PEBP4: variants seen among roughly 807,000 people sequenced by gnomAD.
The protein encoded by PEBP4 is phosphatidylethanolamine-binding protein 4.
Under a neutral mutation model 23.9 loss-of-function variants are expected in PEBP4, and 22 were observed. The observed-to-expected ratio is 0.92, with a 90% CI of 0.66 to 1.31. The LOEUF (loss-of-function observed/expected upper bound fraction) is 1.31, where lower values mean the gene tolerates loss of function less well. Among genes scored for constraint, PEBP4 ranks in the 40% most tolerant of loss-of-function variants. The pLI is 0.00. For synonymous variants in PEBP4, 112 were observed against 99.3 expected, an observed-to-expected ratio of 1.13 and a Z score of -0.76; for missense variants, 324 against 281.7, an observed-to-expected ratio of 1.15 and a Z score of -1.07.
intron 4 of PEBP4, among the ~76,000 whole-genome samples, chr8:22,749,342 G>C (rs1805196776): frequency 6.6e-6 from 1 of 152,144 alleles, no homozygotes; most frequent in East Asian, 1.9e-4. Context: ...AGCTCTTCTT[G>C]TTTTAGCTCC....
chr8:22,847,473 A>G (rs927762612), intron 3 of PEBP4, among the ~76,000 whole-genome samples: 1 of 152,196 alleles, frequency 6.6e-6, no homozygotes, highest in African/African-American at 2.4e-5. Context: ...GAAGACCCCC[A>G]AGGGACAGGA....
intron 3 of PEBP4, among the ~76,000 whole-genome samples, chr8:22,870,645 T>C (rs1369061986): frequency 2.0e-5 from 3 of 151,972 alleles, no homozygotes; most frequent in Non-Finnish European, 4.4e-5. Flanking sequence ...ACCCCTCTGG[T>C]GGAGAATGTT....
At chr8:22,873,458 T>C (rs887905919) in intron 3 of PEBP4, among the ~76,000 whole-genome samples, 1 of 146,416 alleles carries the variant, frequency 6.8e-6, no homozygotes, top group Non-Finnish European at 1.5e-5. Flanking sequence ...ATACTATCTG[T>C]GTGAAAAAGT....
chr8:22,861,318 A>G (rs1229327133), intron 3 of PEBP4, among the ~76,000 whole-genome samples: 1 of 152,218 alleles, frequency 6.6e-6, no homozygotes, highest in Non-Finnish European at 1.5e-5. Context: ...TGCTCTTTCC[A>G]TGTACCAGAC....
intron 1 of PEBP4, among the ~76,000 whole-genome samples, chr8:22,935,926 A>C (rs1450494933): frequency 6.6e-6 from 1 of 152,148 alleles, no homozygotes; most frequent in Non-Finnish European, 1.5e-5. Flanking sequence ...AAATAGCTAT[A>C]AAAGCTTACA....
At chr8:22,823,137 A>G (rs1806894842) in intron 3 of PEBP4, among the ~76,000 whole-genome samples, 1 of 152,046 alleles carries the variant, frequency 6.6e-6, no homozygotes. Flanking sequence ...TAGAAAATCC[A>G]GAGAGAAAGT....
At chr8:22,773,936 C>T (rs1472422536) in intron 4 of PEBP4, among the ~76,000 whole-genome samples, 2 of 152,150 alleles carry the variant, frequency 1.3e-5, no homozygotes, top group African/African-American at 4.8e-5. Flanking sequence ...GTCCCCTTAA[C>T]GGGTGCTATA....
intron 3 of PEBP4, among the ~76,000 whole-genome samples, chr8:22,852,688 TAAGA>T (rs1336585935): frequency 4.0e-5 from 6 of 150,274 alleles, no homozygotes; most frequent in African/African-American, 1.2e-4. Flanking sequence ...AAAAAAAAAA[TAAGA>T]AAGAAAGAAA....
chr8:22,839,302 A>C (rs1292502055), intron 3 of PEBP4, among the ~76,000 whole-genome samples: 2 of 151,432 alleles, frequency 1.3e-5, no homozygotes, highest in Admixed American at 1.3e-4. Flanking sequence ...CCCAGCTGGG[A>C]GGGGCGGGGC....
At chr8:22,940,853 C>T (rs575017988) in intron 1 of PEBP4, among the ~76,000 whole-genome samples, 50 of 152,284 alleles carry the variant, frequency 3.3e-4, no homozygotes, top group African/African-American at 9.9e-4. Flanking sequence ...TCTCCTCTCT[C>T]GTAGCAAATT....
At chr8:22,832,690 A>G (rs1012884354) in intron 3 of PEBP4, among the ~76,000 whole-genome samples, 1 of 152,172 alleles carries the variant, frequency 6.6e-6, no homozygotes, top group Non-Finnish European at 1.5e-5. Flanking sequence ...ATTTCAGCAG[A>G]CATTGAGACA....
At chr8:22,832,874 C>A (rs2128764343) in intron 3 of PEBP4, among the ~76,000 whole-genome samples, 2 of 152,232 alleles carry the variant, frequency 1.3e-5, no homozygotes, top group East Asian at 3.9e-4. Context: ...AGCCACCCAC[C>A]CACAGCCCCC....
At position 22,724,978 on chromosome 8, in the gene PEBP4, A is replaced by T. The variant is rs185248490; in HGVS notation, c.404-22T>A. ...TAGGCTATAGGTAGAAGCAGGAGAG[A>T]GGTGAGCATCAACATCCCATACTAC... On this transcript the variant is annotated intron_variant, in intron 5 of 6. Transcript: ENST00000256404. 2.4e-4 allele frequency: 385 copies of T among 1,577,056 alleles called. 1 individual carries two copies. The East Asian group carries it at 8.1e-3, about 33-fold the overall frequency.
chr8:22,898,806 C>T (rs190885528), intron 3 of PEBP4, among the ~76,000 whole-genome samples: 4 of 152,114 alleles, frequency 2.6e-5, no homozygotes, highest in South Asian at 4.2e-4. Flanking sequence ...GGGCAGGTTG[C>T]GGGATGATAA....
chr8:22,726,061 G>C lies in PEBP4; in HGVS notation c.404-1105C>G, dbSNP rs1186729192. ...CGCATGTGCACTCAGAGTGAGAGCA[G>C]AGCTGGGTGTGCTGAGAGCCATGTG... On this transcript the variant is annotated intron_variant, in intron 5 of 6. Transcript: ENST00000256404. Among the ~76,000 whole-genome samples, 3 of 151,500 alleles carry C rather than the reference G, an allele frequency of 2.0e-5. 1 individual carries two copies. The highest frequency in any genetic ancestry group is 4.2e-4 in the South Asian group (2 of 4,794).
chr8:22,736,252 A>C (rs954358642), intron 4 of PEBP4, among the ~76,000 whole-genome samples: 1 of 152,186 alleles, frequency 6.6e-6, no homozygotes, highest in Non-Finnish European at 1.5e-5. Context: ...GGTGGGGTTA[A>C]GAAGAAGGAA....
chr8:22,933,386 G>A (rs938327322), intron 1 of PEBP4, among the ~76,000 whole-genome samples: 13 of 152,190 alleles, frequency 8.5e-5, no homozygotes, highest in Admixed American at 3.9e-4. Flanking sequence ...CAAACTGTTG[G>A]AAGCCAAAGA....
chr8:22,893,078 C>T (rs921987055), intron 3 of PEBP4, among the ~76,000 whole-genome samples: 14 of 152,252 alleles, frequency 9.2e-5, no homozygotes, highest in Middle Eastern at 3.4e-3. Context: ...AAAACTGAGT[C>T]CAAAGAAATA....
At chr8:22,919,661 G>A (rs1032591155) in intron 3 of PEBP4, among the ~76,000 whole-genome samples, 1 of 152,196 alleles carries the variant, frequency 6.6e-6, no homozygotes, top group African/African-American at 2.4e-5. Flanking sequence ...CAAAAGAAGA[G>A]CGTGTCTCAT....
Sources: allele counts gnomAD v4.1 joint callset (sites outside exome capture counted in the v4.1 genomes callset), GRCh38; gene constraint gnomAD v4.1.1; transcripts MANE v1.5; gene names NCBI Gene and HGNC (gene_info 2026-07-23, HGNC 2026-07-21).